Variants in CDK6 observed in about 807,000 individuals in gnomAD.
The protein encoded by CDK6 is cyclin dependent kinase 6.
In CDK6, 6 loss-of-function variants were observed where a neutral mutation model predicts 37.1. The ratio of observed to expected loss-of-function variants is 0.16; its 90% CI spans 0.09 to 0.32. The LOEUF is 0.32. Among genes scored for constraint, CDK6 ranks in the 10% least tolerant of loss-of-function variants. The pLI is 1.00. For missense variants in CDK6, 224 were observed against 418.9 expected (o/e 0.53, Z 4.06); for synonymous variants, 160 against 161.3 (o/e 0.99, Z 0.06).
chr7:92,749,086 C>T (rs1799126937), intron 3 of CDK6, among the ~76,000 whole-genome samples: 1 of 151,852 alleles, frequency 6.6e-6, no homozygotes, highest in South Asian at 2.1e-4. Flanking sequence ...GTAATCCCAG[C>T]TACTCGGGGG....
chr7:92,615,314 G>T (rs773188371), intron 7 of CDK6, 28 bp from the exon 8 acceptor site: 40 of 1,542,944 alleles, frequency 2.6e-5, no homozygotes, highest in Non-Finnish European at 3.6e-5. Flanking sequence ...ATAATTGGTT[G>T]ATATACAATA....
At chr7:92,705,403 G>A (rs1234945609) in intron 4 of CDK6, among the ~76,000 whole-genome samples, 3 of 152,102 alleles carry the variant, frequency 2.0e-5, no homozygotes, top group Admixed American at 6.5e-5. Flanking sequence ...CTTCTCCTAC[G>A]TTTTGGGTCC....
chr7:92,822,855 C>T (rs1386239304), intron 2 of CDK6, among the ~76,000 whole-genome samples: 2 of 152,034 alleles, frequency 1.3e-5, no homozygotes, highest in Non-Finnish European at 2.9e-5. Flanking sequence ...CATCTACTTT[C>T]AGATCACCAG....
chr7:92,795,940 C>T (rs1423038671), intron 2 of CDK6, among the ~76,000 whole-genome samples: 7 of 151,996 alleles, frequency 4.6e-5, no homozygotes, highest in Non-Finnish European at 4.4e-5. Context: ...CTAAAGCCAC[C>T]TTCTTGTCCT....
chr7:92,768,847 G>C (rs1799645004), intron 3 of CDK6, among the ~76,000 whole-genome samples: 1 of 152,156 alleles, frequency 6.6e-6, no homozygotes. Context: ...GCAAAGATGA[G>C]ACAAATCACC....
intron 3 of CDK6, among the ~76,000 whole-genome samples, chr7:92,741,417 T>A (rs1360453287): frequency 6.6e-6 from 1 of 152,186 alleles, no homozygotes; most frequent in Non-Finnish European, 1.5e-5. Flanking sequence ...AAATAAAAAA[T>A]CATTTGTTGT....
chr7:92,666,775 T>C (rs1208587340), intron 5 of CDK6, among the ~76,000 whole-genome samples: 1 of 152,242 alleles, frequency 6.6e-6, no homozygotes, highest in Non-Finnish European at 1.5e-5. Flanking sequence ...TATTAAAGTA[T>C]AGCACATATA....
chr7:92,727,454 G>A (rs1486807458), intron 3 of CDK6, among the ~76,000 whole-genome samples: 3 of 152,128 alleles, frequency 2.0e-5, no homozygotes, highest in Non-Finnish European at 4.4e-5. Context: ...AGAAAGTAGC[G>A]ATTACTTTTC....
At position 92,653,819 on chromosome 7, in the gene CDK6, C is replaced by G. The variant is rs1318116931; in HGVS notation, c.647+17607G>C. On this transcript the variant is annotated intron_variant, in intron 5 of 7. Coordinates refer to ENST00000424848, the MANE Select transcript of CDK6 (RefSeq NM_001145306.2). ...ACAGGGTCTCACCGTGTTGTCCAGG[C>G]TGGTTTCAAACTCCTGGGCTTAAGC... 2.0e-5 allele frequency among the ~76,000 whole-genome samples: 3 copies of G among 152,190 alleles called. No homozygotes were observed. The South Asian group carries it at 6.2e-4, about 32-fold the overall frequency.
chr7:92,803,651 T>C (rs1037716756), intron 2 of CDK6, among the ~76,000 whole-genome samples: 7 of 152,106 alleles, frequency 4.6e-5, no homozygotes, highest in African/African-American at 1.7e-4. Flanking sequence ...GGGTTTGAGA[T>C]GGTAGACATT....
chr7:92,648,859 T>A (rs76527309), intron 5 of CDK6, among the ~76,000 whole-genome samples: 7,310 of 152,290 alleles, frequency 0.048, 214 homozygotes, highest in Non-Finnish European at 0.058. Context: ...TGGATACACA[T>A]ACATAAACAT....
At chr7:92,664,279 T>A (rs182803894) in intron 5 of CDK6, among the ~76,000 whole-genome samples, 69 of 152,236 alleles carry the variant, frequency 4.5e-4, no homozygotes, top group African/African-American at 1.6e-3. Context: ...CTGGTTTCCA[T>A]GCACGTGTTT....
chr7:92,651,002 G>A (rs1438423920), intron 5 of CDK6, among the ~76,000 whole-genome samples: 1 of 151,870 alleles, frequency 6.6e-6, no homozygotes, highest in Admixed American at 6.6e-5. Flanking sequence ...TGATTCTCCT[G>A]CCTCAGCCTC....
chr7:92,692,691 G>T (rs1385650461), intron 4 of CDK6, among the ~76,000 whole-genome samples: 1 of 152,000 alleles, frequency 6.6e-6, no homozygotes, highest in Non-Finnish European at 1.5e-5. Context: ...AGGCTGAGGT[G>T]GGAAAATCAC....
chr7:92,619,988 A>G (rs189098275), intron 6 of CDK6, among the ~76,000 whole-genome samples: 1 of 152,336 alleles, frequency 6.6e-6, no homozygotes, highest in African/African-American at 2.4e-5. Flanking sequence ...AATGCTTGTT[A>G]GAGAGCTTTA....
Position 92,673,348 on chromosome 7 carries a change from G to A in CDK6, c.538-1813C>T, listed in dbSNP as rs147638426. ...CAAATTGGAAAAAGATTCTTGACAG[G>A]TTCCCCCTCTATATCTCATCTAACA... On this transcript the variant is annotated intron_variant, in intron 4 of 7. Transcript: ENST00000424848. 1.3e-3 allele frequency among the ~76,000 whole-genome samples: 202 copies of A among 152,228 alleles called. 1 individual carries two copies. The highest frequency in any genetic ancestry group is 4.5e-3 in the Admixed American group (69 of 15,294).
Position 92,623,055 on chromosome 7 carries a change from G to T in CDK6, c.679C>A (p.Gln227Lys). Residue 227 changes from glutamine (Q) to lysine (K), a missense_variant, in exon 6 of 8, where the codon CAA (glutamine) becomes AAA (lysine). Gln to Lys is a moderately conservative substitution (Grantham distance 53, BLOSUM62 1). This residue lies in a region of CDK6 where 90 missense variants were observed against 136.2 expected (regional missense o/e 0.66). Coordinates refer to ENST00000424848, the MANE Select transcript of CDK6 (RefSeq NM_001145306.2). ...PLFRGSSDVD[Q>K]LGKILDVIGL... ...ACTTACTCCAAGATTTTTCCTAGTT[G>T]ATCAACATCTGAACTTCCACGAAAA... is the stretch of plus-strand genomic sequence containing the variant. 6.3e-7 allele frequency: 1 copy of T among 1,585,990 alleles called. No homozygotes were observed. The highest frequency in any genetic ancestry group is 1.1e-5 in the South Asian group (1 of 89,114).
At chr7:92,626,292 T>C (rs1795926820) in intron 5 of CDK6, among the ~76,000 whole-genome samples, 1 of 152,092 alleles carries the variant, frequency 6.6e-6, no homozygotes, top group African/African-American at 2.4e-5. Flanking sequence ...GTAAGTCATA[T>C]GATATACATA....
chr7:92,738,254 G>A (rs999150613), intron 3 of CDK6, among the ~76,000 whole-genome samples: 2 of 152,034 alleles, frequency 1.3e-5, no homozygotes, highest in Non-Finnish European at 2.9e-5. Flanking sequence ...CAGGCCAAAT[G>A]GAACTGAAGA....
Sources: gnomAD v4.1 joint callset for allele counts (sites outside exome capture counted in the v4.1 genomes callset) on GRCh38, gnomAD v4.1.1 for gene constraint, gnomAD v4.1.1 regional missense constraint, MANE v1.5 for transcripts, NCBI Gene and HGNC (gene_info 2026-07-23, HGNC 2026-07-21) for gene names.